The following ASB13 variants were observed in gnomAD, a reference collection of about 807,000 sequenced individuals.
The protein encoded by ASB13 is ankyrin repeat and SOCS box containing 13.
In ASB13, 33 loss-of-function variants were observed where a neutral mutation model predicts 28.8. The observed-to-expected ratio is 1.15, with a 90% CI of 0.87 to 1.53. ASB13 has a LOEUF of 1.53. Among genes scored for constraint, ASB13 ranks in the 40% most tolerant of loss-of-function variants. The probability of loss-of-function intolerance (pLI) is 0.00; values close to 1 mark genes in which losing one functional copy is unlikely to be tolerated. For missense variants in ASB13, 414 were observed against 390.1 expected (o/e 1.06, Z -0.52); for synonymous variants, 182 against 172.9 (o/e 1.05, Z -0.41).
In ASB13 at chr10:5,652,716, C is replaced by T. The variant is rs1835006275; in HGVS notation, c.231+147G>A. 2 of 844,156 alleles carry T rather than the reference C, an allele frequency of 2.4e-6. No individual in the cohort carries two copies. Among genetic ancestry groups the T allele is most frequent in the Admixed American group, 3.4e-5 (1 of 29,092 alleles). 52.3% of individuals were successfully genotyped at this position (844,156 alleles called of 1,614,324 possible). On this transcript the variant is annotated intron_variant, in intron 2 of 5. Transcript: ENST00000357700. This position sits in a 1 kb window ranked among gnomAD's most constrained non-coding sequence, Gnocchi z 5.0. ...CTCCTAACAGCCAGGTCCACGAGCA[C>T]TTCTCAGCCATGGGCTTCCTGGTAC...
rs1392157372 is a variant in ASB13, at chr10:5,659,591, C to T, written c.44-6541G>A. Reference sequence around the variant, plus strand: ...CTTCTCAGCCCCATTCCCCACCTTGCTTCCGGCTGAAATTCCTCGACTGAG... The same window carrying T: ...CTTCTCAGCCCCATTCCCCACCTTGTTTCCGGCTGAAATTCCTCGACTGAG... On this transcript the variant is annotated intron_variant, in intron 1 of 5. Coordinates refer to ENST00000357700, the MANE Select transcript of ASB13 (RefSeq NM_024701.4). The surrounding 1 kb of genome is among the most constrained non-coding windows in gnomAD (Gnocchi z 5.8). Among the ~76,000 whole-genome samples the T allele has an allele frequency of 6.6e-6, 1 of 152,200 alleles. No individual in the cohort carries two copies. Among genetic ancestry groups the T allele is most frequent in the Admixed American group, 6.5e-5 (1 of 15,286 alleles).
At chr10:5,662,584 A>AAGAGAAG (rs1835190614) in intron 1 of ASB13, among the ~76,000 whole-genome samples, 2 of 131,848 alleles carry the variant, frequency 1.5e-5, no homozygotes, top group Middle Eastern at 3.5e-3. Context: ...AAGAGAAGAG[A>AAGAGAAG]AGAGAAGAGA....
In ASB13 at chr10:5,641,971, A is replaced by T. The variant is rs763003995; in HGVS notation, c.518-10T>A. 1 of 1,590,362 alleles carries T rather than the reference A, an allele frequency of 6.3e-7. No individual in the cohort carries two copies. Among genetic ancestry groups the T allele is most frequent in the Non-Finnish European group, 8.6e-7 (1 of 1,160,492 alleles). On this transcript the variant is annotated splice_polypyrimidine_tract_variant and intron_variant, in intron 4 of 5. Transcript: ENST00000357700. The surrounding 1 kb of genome is among the most constrained non-coding windows in gnomAD (Gnocchi z 8.4). ...GCATTCACGTTGGCCCCTGGAGGTC[A>T]AGAGTGCAGAAGAGATTTCACCAAG...
Position 5,640,737 on chromosome 10 carries a change from G to A in ASB13, c.803C>T (p.Pro268Leu), listed in dbSNP as rs182446016. 60 of 1,614,156 alleles carry A rather than the reference G, an allele frequency of 3.7e-5. No homozygotes were observed. Among genetic ancestry groups the A allele is most frequent in the Admixed American group, 3.3e-4 (20 of 60,014 alleles). Residue 268 changes from proline to leucine, a missense_variant, in exon 6 of 6, where the codon CCG becomes CTG. Pro to Leu is a moderately conservative substitution (Grantham distance 98). Coordinates refer to ENST00000357700, the MANE Select transcript of ASB13 (RefSeq NM_024701.4). ...GLEKIAKLNI[P>L]PRLIDYLSYN ...GGAGAGGTAATCAATGAGCCGGGGC[G>A]GGATGTTTAACTTGGCAATCTTCTC...
chr10:5,643,287 G>A (rs981709691), intron 4 of ASB13, among the ~76,000 whole-genome samples: 5 of 152,280 alleles, frequency 3.3e-5, no homozygotes, highest in Admixed American at 6.5e-5. Flanking sequence ...GAGGTGGAAC[G>A]CTTTTACATT....
rs41290335 is a variant in ASB13 at position 5,640,135 on chromosome 10, G to A, written c.*568C>T. On this transcript the variant is annotated 3_prime_UTR_variant, in exon 6 of 6. Coordinates refer to ENST00000357700, the MANE Select transcript of ASB13 (RefSeq NM_024701.4). ...AGGCTTGGGGCTGGGGGATGCCTTG[G>A]AAAGTGCTCCAGGAAAAGCATCCAC... The A allele has an allele frequency of 0.013, 1,929 of 153,402 alleles. 28 individuals carry two copies. The highest frequency in any genetic ancestry group is 0.067 in the East Asian group (347 of 5,178). 9.5% of individuals were successfully genotyped at this position (153,402 alleles called of 1,614,324 possible). A position where few individuals can be genotyped will look rare whatever the true frequency, so the allele number is the denominator to read the frequency against.
chr10:5,649,820 C>T lies in ASB13; in HGVS notation c.383-716G>A, dbSNP rs549488009. Among the ~76,000 whole-genome samples the T allele has an allele frequency of 2.5e-4, 38 of 152,172 alleles. No individual in the cohort carries two copies. The highest frequency in any genetic ancestry group is 2.1e-4 in the South Asian group (1 of 4,812). ...GGATTACCAAGGGCATGAGCCACAG[C>T]GCCCGGCCTCTCCTGCCTCTTAAGT... On this transcript the variant is annotated intron_variant, in intron 3 of 5. Transcript: ENST00000357700. The surrounding 1 kb of genome is among the most constrained non-coding windows in gnomAD (Gnocchi z 6.4).
chr10:5,640,924 C>T, intron 5 of ASB13, 94 bp from the exon 6 acceptor site: 1 of 1,487,732 alleles, frequency 6.7e-7, no homozygotes, highest in Non-Finnish European at 9.2e-7. Flanking sequence ...TCGGAAACGC[C>T]TCCCTTTCCC....
chr10:5,659,888 C>T lies in ASB13; in HGVS notation c.43+6621G>A, dbSNP rs1383272655. Among the ~76,000 whole-genome samples the T allele has an allele frequency of 2.0e-5, 3 of 152,356 alleles. No homozygotes were observed. The highest frequency in any genetic ancestry group is 3.9e-4 in the East Asian group (2 of 5,178). Reference sequence around the variant, plus strand: ...CCCTGCCGCTAGGTTCTGTCCCCTGCTCCACTTTCCAGCCCAGGACAGTGG... The same window carrying T: ...CCCTGCCGCTAGGTTCTGTCCCCTGTTCCACTTTCCAGCCCAGGACAGTGG... On this transcript the variant is annotated intron_variant, in intron 1 of 5. Transcript: ENST00000357700. The surrounding 1 kb of genome is among the most constrained non-coding windows in gnomAD (Gnocchi z 5.8).
Position 5,641,847 on chromosome 10 carries a change from C to CGG in ASB13, c.630_631dup (p.Arg211ProfsTer31). On this transcript the variant is annotated frameshift_variant, in exon 5 of 6. Transcript: ENST00000357700. LOFTEE classifies it high-confidence loss of function. The surrounding 1 kb of genome is among the most constrained non-coding windows in gnomAD (Gnocchi z 8.4). ...AGACGGCTTCTTCCCGCGGTTGTCC[C>CGG]GGGCGTAGATGTTGCCGCCAAACTC... 1 of 1,613,826 alleles carries CGG rather than the reference C, an allele frequency of 6.2e-7. No individual in the cohort carries two copies. Among genetic ancestry groups the CGG allele is most frequent in the Non-Finnish European group, 8.5e-7 (1 of 1,179,934 alleles).
intron 1 of ASB13, among the ~76,000 whole-genome samples, chr10:5,665,064 C>G (rs1031270118): frequency 6.6e-6 from 1 of 152,184 alleles, no homozygotes; most frequent in Admixed American, 6.5e-5. Flanking sequence ...GCCATGTTGG[C>G]CAGGCTGGTC....
intron 4 of ASB13, among the ~76,000 whole-genome samples, chr10:5,646,141 C>G (rs1390611781): frequency 6.6e-6 from 1 of 152,162 alleles, no homozygotes; most frequent in Admixed American, 6.5e-5. Context: ...TGCAAACTCC[C>G]GGGGAGAGCT....
rs1239570508 is a variant in ASB13, at chr10:5,656,350, C to T, written c.44-3300G>A. Among the ~76,000 whole-genome samples, 2 of 152,064 alleles carry T rather than the reference C, an allele frequency of 1.3e-5. No homozygotes were observed. The highest frequency in any genetic ancestry group is 2.9e-5 in the Non-Finnish European group (2 of 67,990). On this transcript the variant is annotated intron_variant, in intron 1 of 5. Transcript: ENST00000357700. This position sits in a 1 kb window ranked among gnomAD's most constrained non-coding sequence, Gnocchi z 4.3. ...GTCAGGAGTTTGAGACCAGCCTGGC[C>T]AACATGGTGAAACCCCATCTCTACT...
At position 5,653,670 on chromosome 10, in the gene ASB13, ATTT is replaced by A. The variant is rs1835025916; in HGVS notation, c.44-623_44-621del. ...TAATGTGGATGCCATTTATTTATTT[ATTT>A]ATTTATTTATTTATTTATTTATTTA... is the stretch of plus-strand genomic sequence containing the variant. On this transcript the variant is annotated intron_variant, in intron 1 of 5. Coordinates refer to ENST00000357700, the MANE Select transcript of ASB13 (RefSeq NM_024701.4). 5.0e-5 allele frequency among the ~76,000 whole-genome samples: 6 copies of A among 119,312 alleles called. No homozygotes were observed. In the South Asian group the frequency reaches 1.9e-3, roughly 37 times the overall value. 78.3% of individuals were successfully genotyped at this position (119,312 alleles called of 152,430 possible).
chr10:5,662,573 G>GAAGAGAAGAGAAGAGAAGAGAA (rs1835189156), intron 1 of ASB13, among the ~76,000 whole-genome samples: 1 of 86,168 alleles, frequency 1.2e-5, no homozygotes, highest in African/African-American at 4.0e-5. Flanking sequence ...GGGGAGAAGA[G>GAAGAGAAGAGAAGAGAAGAGAA]AAGAGAAGAG....
chr10:5,640,437 T>G lies in ASB13; in HGVS notation c.*266A>C, dbSNP rs1329476457. ...CCGTAAAAGAGGAAAACTGGATGGT[T>G]GGGCCCATGCCCATTGAGAGGGTAG... is the stretch of plus-strand genomic sequence containing the variant. On this transcript the variant is annotated 3_prime_UTR_variant, in exon 6 of 6. Coordinates refer to ENST00000357700, the MANE Select transcript of ASB13 (RefSeq NM_024701.4). 1 of 391,106 alleles carries G rather than the reference T, an allele frequency of 2.6e-6. No homozygotes were observed. 24.2% of individuals were successfully genotyped at this position (391,106 alleles called of 1,614,324 possible). A position where few individuals can be genotyped will look rare whatever the true frequency, so the allele number is the denominator to read the frequency against.
rs1336081235 is a variant in ASB13, at chr10:5,641,136, C to T, written c.710-306G>A. 2.0e-5 allele frequency among the ~76,000 whole-genome samples: 3 copies of T among 152,186 alleles called. No individual in the cohort carries two copies. The highest frequency in any genetic ancestry group is 1.3e-4 in the Admixed American group (2 of 15,282). On this transcript the variant is annotated intron_variant, in intron 5 of 5. Transcript: ENST00000357700. This position sits in a 1 kb window ranked among gnomAD's most constrained non-coding sequence, Gnocchi z 8.4. Reference sequence around the variant, plus strand: ...GCGACAGAGGCAAGAATCTCTTACTCTGTCACCCAGGCTGGAGTGCAGCGG... The same window carrying T: ...GCGACAGAGGCAAGAATCTCTTACTTTGTCACCCAGGCTGGAGTGCAGCGG...
At chr10:5,666,483 C>A (rs1465311971) in intron 1 of ASB13, 26 bp downstream of exon 1, 1 of 1,295,832 alleles carries the variant, frequency 7.7e-7, no homozygotes, top group South Asian at 2.1e-5. Context: ...CTGCCTCGCT[C>A]TGACCTCCGC....
At chr10:5,666,120 G>T (rs1170874258) in intron 1 of ASB13, among the ~76,000 whole-genome samples, 1 of 152,150 alleles carries the variant, frequency 6.6e-6, no homozygotes, top group Non-Finnish European at 1.5e-5. Flanking sequence ...GTGGGCTCGC[G>T]CCTGGCTTCC....
Sources: gnomAD v4.1 joint callset for allele counts (sites outside exome capture counted in the v4.1 genomes callset) on GRCh38, gnomAD v4.1.1 for gene constraint, Gnocchi (gnomAD v3.1) non-coding constraint, MANE v1.5 for transcripts, NCBI Gene and HGNC (gene_info 2026-07-23, HGNC 2026-07-21) for gene names.